CBFA2T2: variants seen among roughly 807,000 people sequenced by gnomAD.
CBFA2T2 encodes the protein protein CBFA2T2.
Under a neutral mutation model 62.2 loss-of-function variants are expected in CBFA2T2, and 11 were observed. That is an observed-to-expected ratio of 0.18 (90% CI 0.11 to 0.29). The LOEUF is 0.29. Among genes scored for constraint, CBFA2T2 ranks in the 10% least tolerant of loss-of-function variants. CBFA2T2 has a pLI of 1.00. For synonymous variants in CBFA2T2, 295 were observed against 287.5 expected, an observed-to-expected ratio of 1.03 and a Z score of -0.27; for missense variants, 592 against 774.1, an observed-to-expected ratio of 0.76 and a Z score of 2.79.
At chr20:33,560,039 C>T (rs1445041188) in intron 1 of CBFA2T2, among the ~76,000 whole-genome samples, 1 of 152,134 alleles carries the variant, frequency 6.6e-6, no homozygotes, top group Admixed American at 6.6e-5. Context: ...GTGAAAGACC[C>T]ACCTTGTTTT....
At chr20:33,492,792 T>C (rs1360998354) in intron 1 of CBFA2T2, among the ~76,000 whole-genome samples, 1 of 152,172 alleles carries the variant, frequency 6.6e-6, no homozygotes, top group Non-Finnish European at 1.5e-5. Flanking sequence ...ATTAAAGTCA[T>C]GAGCCACTTT....
intron 1 of CBFA2T2, among the ~76,000 whole-genome samples, chr20:33,502,859 G>A (rs1262123417): frequency 2.0e-5 from 3 of 150,524 alleles, no homozygotes; most frequent in Non-Finnish European, 4.4e-5. Flanking sequence ...GGGAGGCCGA[G>A]GGGGGCGGAT....
intron 1 of CBFA2T2, among the ~76,000 whole-genome samples, chr20:33,552,258 TAAC>T (rs1011611565): frequency 7.2e-5 from 11 of 152,358 alleles, no homozygotes; most frequent in South Asian, 2.1e-4. Flanking sequence ...TTATTTGACT[TAAC>T]AATGATGTTA....
At chr20:33,635,734 C>T (rs1351919194) in intron 8 of CBFA2T2, among the ~76,000 whole-genome samples, 5 of 151,956 alleles carry the variant, frequency 3.3e-5, no homozygotes, top group Admixed American at 6.6e-5. Flanking sequence ...GGAAATTAGG[C>T]GGTCATGGTG....
At chr20:33,537,857 T>G (rs1297267245) in intron 1 of CBFA2T2, among the ~76,000 whole-genome samples, 2 of 152,188 alleles carry the variant, frequency 1.3e-5, no homozygotes, top group African/African-American at 4.8e-5. Flanking sequence ...TTACCTTATC[T>G]TTATGCCTGT....
chr20:33,520,910 GCA>G (rs138966628), intron 1 of CBFA2T2, among the ~76,000 whole-genome samples: 38 of 148,974 alleles, frequency 2.6e-4, no homozygotes, highest in East Asian at 5.8e-4. Flanking sequence ...ACACGCACGC[GCA>G]CACACACACA....
At chr20:33,517,961 T>G (rs1386080565) in intron 1 of CBFA2T2, among the ~76,000 whole-genome samples, 1 of 150,662 alleles carries the variant, frequency 6.6e-6, no homozygotes, top group African/African-American at 2.4e-5. Flanking sequence ...TGCTTTTATT[T>G]TTTTTGAGAC....
chr20:33,546,029 T>C (rs1245581725), intron 1 of CBFA2T2, among the ~76,000 whole-genome samples: 1 of 152,204 alleles, frequency 6.6e-6, no homozygotes, highest in East Asian at 1.9e-4. Flanking sequence ...GGCCTGTATC[T>C]TTCTGTGCAA....
chr20:33,588,380 A>G (rs1159851058), intron 1 of CBFA2T2, among the ~76,000 whole-genome samples: 1 of 151,136 alleles, frequency 6.6e-6, no homozygotes, highest in Non-Finnish European at 1.5e-5. Flanking sequence ...ATAAATATAT[A>G]TAGATCAACA....
intron 1 of CBFA2T2, among the ~76,000 whole-genome samples, chr20:33,536,567 C>T (rs1279840426): frequency 6.6e-6 from 1 of 151,118 alleles, no homozygotes; most frequent in Admixed American, 6.6e-5. Context: ...AGGGGCTCCT[C>T]ACTTCTCAGA....
chr20:33,606,863 G>C, intron 1 of CBFA2T2, 93 bp from the exon 2 acceptor site: 1 of 1,230,154 alleles, frequency 8.1e-7, no homozygotes, highest in South Asian at 1.4e-5. Context: ...ATACCAAGCA[G>C]TCCTCTAGGG....
At chr20:33,643,753 C>CTATATATATA in intron 10 of CBFA2T2, among the ~76,000 whole-genome samples, 1 of 56,962 alleles carries the variant, frequency 1.8e-5, no homozygotes, top group South Asian at 5.3e-4. Context: ...CTCATCTCTA[C>CTATATATATA]TATATATATA....
intron 1 of CBFA2T2, among the ~76,000 whole-genome samples, chr20:33,592,081 G>A (rs1483085877): frequency 6.6e-6 from 1 of 152,096 alleles, no homozygotes; most frequent in Admixed American, 6.6e-5. Flanking sequence ...AAACGACATA[G>A]GCCGGGCCCA....
At chr20:33,494,266 TATATA>T (rs1202135985) in intron 1 of CBFA2T2, among the ~76,000 whole-genome samples, 140 of 66,598 alleles carry the variant, frequency 2.1e-3, no homozygotes, top group South Asian at 3.6e-3. Flanking sequence ...TATATATATA[TATATA>T]TATTTTTTTT....
chr20:33,532,481 T>C (rs1394824971), intron 1 of CBFA2T2, among the ~76,000 whole-genome samples: 2 of 152,360 alleles, frequency 1.3e-5, no homozygotes, highest in Non-Finnish European at 2.9e-5. Flanking sequence ...GTTACATTTA[T>C]AACAAGGTAC....
chr20:33,600,182 G>GTTGTTT (rs1568844383), intron 1 of CBFA2T2, among the ~76,000 whole-genome samples: 4 of 62,066 alleles, frequency 6.4e-5, no homozygotes, highest in Non-Finnish European at 1.2e-4. Context: ...CTTTTGGAAA[G>GTTGTTT]TTTTTTTTTT....
In CBFA2T2 at chr20:33,647,730, G is replaced by T. The variant is rs889908768; in HGVS notation, c.*3084G>T. 1 of 152,262 alleles carries T rather than the reference G, an allele frequency of 6.6e-6. No individual in the cohort carries two copies. The highest frequency in any genetic ancestry group is 1.5e-5 in the Non-Finnish European group (1 of 68,066). 9.4% of individuals were successfully genotyped at this position (152,262 alleles called of 1,614,324 possible). On this transcript the variant is annotated 3_prime_UTR_variant, in exon 11 of 11. Coordinates refer to ENST00000342704, the MANE Select transcript of CBFA2T2 (RefSeq NM_001032999.3). Reference sequence around the variant, plus strand: ...TCTGTGGCTAAGGCTTAGGTTTGGTGTGCAGAGCCTGGCCTGCTCTTGTGG... The same window carrying T: ...TCTGTGGCTAAGGCTTAGGTTTGGTTTGCAGAGCCTGGCCTGCTCTTGTGG...
chr20:33,493,236 C>T (rs768634713), intron 1 of CBFA2T2, among the ~76,000 whole-genome samples: 1 of 151,542 alleles, frequency 6.6e-6, no homozygotes, highest in African/African-American at 2.4e-5. Context: ...CCAACACGTC[C>T]GGCTAATTTT....
chr20:33,514,752 C>T (rs2011571471), intron 1 of CBFA2T2, among the ~76,000 whole-genome samples: 1 of 151,648 alleles, frequency 6.6e-6, no homozygotes, highest in Non-Finnish European at 1.5e-5. Flanking sequence ...GGCTGGAGTG[C>T]GATGGTGGGG....
Sources: allele counts gnomAD v4.1 joint callset (sites outside exome capture counted in the v4.1 genomes callset), GRCh38; gene constraint gnomAD v4.1.1; transcripts MANE v1.5; gene names NCBI Gene and HGNC (gene_info 2026-07-23, HGNC 2026-07-21).